The following PLEKHA6 variants were observed in gnomAD, a reference collection of about 807,000 sequenced individuals.
PLEKHA6 encodes the protein pleckstrin homology domain-containing family A member 6.
Under a neutral mutation model 116.7 loss-of-function variants are expected in PLEKHA6, and 60 were observed. The observed-to-expected ratio is 0.51, with a 90% CI of 0.42 to 0.64. The LOEUF is 0.64. Ranked by LOEUF, PLEKHA6 falls within the 30% of genes least tolerant of loss-of-function variation. The probability of loss-of-function intolerance (pLI) is 0.00; values close to 1 mark genes in which losing one functional copy is unlikely to be tolerated. For missense variants in PLEKHA6, 1,338 were observed against 1,422.7 expected (o/e 0.94, Z 0.96); for synonymous variants, 489 against 556.1 (o/e 0.88, Z 1.70).
intron 17 of PLEKHA6, among the ~76,000 whole-genome samples, chr1:204,232,919 T>C (rs1202681683): frequency 6.6e-6 from 1 of 152,088 alleles, no homozygotes; most frequent in Admixed American, 6.5e-5. Context: ...CCTTCCAATT[T>C]CTCCTTGTTG....
At chr1:204,352,915 G>A (rs1673324202) in intron 1 of PLEKHA6, among the ~76,000 whole-genome samples, 2 of 152,210 alleles carry the variant, frequency 1.3e-5, no homozygotes, top group Non-Finnish European at 2.9e-5. Context: ...AGCCTAGGAG[G>A]TGGAGACTAC....
chr1:204,310,092 A>T (rs1322910047), intron 1 of PLEKHA6, among the ~76,000 whole-genome samples: 1 of 151,980 alleles, frequency 6.6e-6, no homozygotes, highest in African/African-American at 2.4e-5. Flanking sequence ...AAAATTAGGT[A>T]GTGGGCTGGA....
intron 12 of PLEKHA6, among the ~76,000 whole-genome samples, chr1:204,248,589 GT>G (rs1664104900): frequency 6.6e-6 from 1 of 152,248 alleles, no homozygotes; most frequent in Non-Finnish European, 1.5e-5. Flanking sequence ...TACAGGTATA[GT>G]TTGTGGGAAA....
chr1:204,235,300 G>A (rs1023378235), intron 17 of PLEKHA6, among the ~76,000 whole-genome samples: 2 of 152,068 alleles, frequency 1.3e-5, no homozygotes, highest in South Asian at 2.1e-4. Context: ...CTTGATTCAC[G>A]GTTCATTGAG....
At chr1:204,338,046 A>G (rs1243521891) in intron 1 of PLEKHA6, among the ~76,000 whole-genome samples, 1 of 152,208 alleles carries the variant, frequency 6.6e-6, no homozygotes, top group Non-Finnish European at 1.5e-5. Flanking sequence ...CCATTTACAG[A>G]TGAGGAAACT....
At chr1:204,237,491 C>T (rs1319403850) in intron 17 of PLEKHA6, among the ~76,000 whole-genome samples, 1 of 152,192 alleles carries the variant, frequency 6.6e-6, no homozygotes, top group Non-Finnish European at 1.5e-5. Flanking sequence ...TTGGCCTGTG[C>T]AGAAGACTCA....
chr1:204,312,609 G>A (rs1367417522), intron 1 of PLEKHA6, among the ~76,000 whole-genome samples: 1 of 152,144 alleles, frequency 6.6e-6, no homozygotes, highest in Non-Finnish European at 1.5e-5. Flanking sequence ...TCTCGGCAGC[G>A]CTGCTTTGGT....
At chr1:204,242,362 C>A (rs976198471) in intron 15 of PLEKHA6, among the ~76,000 whole-genome samples, 2 of 152,194 alleles carry the variant, frequency 1.3e-5, no homozygotes, top group African/African-American at 4.8e-5. Context: ...GAAGACCAGG[C>A]TAAAGGTCAG....
At chr1:204,279,590 C>T (rs1447129362) in intron 1 of PLEKHA6, among the ~76,000 whole-genome samples, 1 of 152,162 alleles carries the variant, frequency 6.6e-6, no homozygotes, top group Non-Finnish European at 1.5e-5. Context: ...CTTTCAAATT[C>T]CACCCAAGAG....
chr1:204,352,380 A>C (rs1023145423), intron 1 of PLEKHA6, among the ~76,000 whole-genome samples: 3 of 151,954 alleles, frequency 2.0e-5, no homozygotes, highest in African/African-American at 4.8e-5. Flanking sequence ...GTCTCAAAAA[A>C]AAAAAGAAAA....
intron 2 of PLEKHA6, among the ~76,000 whole-genome samples, chr1:204,371,336 T>C (rs969786516): frequency 2.0e-5 from 3 of 152,168 alleles, no homozygotes; most frequent in Non-Finnish European, 4.4e-5. Context: ...AGGTGGAAGC[T>C]TAGAGAGACA....
chr1:204,251,464 A>G, intron 9 of PLEKHA6: 1 of 687,286 alleles, frequency 1.5e-6, no homozygotes, highest in Admixed American at 2.0e-5. Flanking sequence ...CTAGATGGGC[A>G]ACTCGACCAT....
At chr1:204,254,741 C>T (rs1482799553) in intron 9 of PLEKHA6, among the ~76,000 whole-genome samples, 1 of 152,164 alleles carries the variant, frequency 6.6e-6, no homozygotes, top group Non-Finnish European at 1.5e-5. Context: ...ATGGAGGAGG[C>T]ATCCAATTAT....
intron 17 of PLEKHA6, among the ~76,000 whole-genome samples, chr1:204,239,082 G>A (rs1662455417): frequency 6.6e-6 from 1 of 152,240 alleles, no homozygotes. Flanking sequence ...GAAGATATTT[G>A]TATCCTATGT....
intron 1 of PLEKHA6, among the ~76,000 whole-genome samples, chr1:204,340,530 C>T (rs902448887): frequency 1.3e-5 from 2 of 152,164 alleles, no homozygotes; most frequent in Non-Finnish European, 2.9e-5. Context: ...CAGAACCAGG[C>T]AAGCGATGCT....
chr1:204,255,497 G>A (rs1371091993), intron 9 of PLEKHA6: 1 of 621,244 alleles, frequency 1.6e-6, no homozygotes, highest in Non-Finnish European at 2.9e-6. Flanking sequence ...CAAAACATAA[G>A]CCACTTTGTT....
At chr1:204,339,275 A>G (rs1045862004) in intron 1 of PLEKHA6, among the ~76,000 whole-genome samples, 2 of 152,132 alleles carry the variant, frequency 1.3e-5, no homozygotes, top group Admixed American at 1.3e-4. Flanking sequence ...GCCGGAAATG[A>G]CCCAAGCAAG....
At chr1:204,351,331 A>G (rs1456236763) in intron 1 of PLEKHA6, among the ~76,000 whole-genome samples, 1 of 152,138 alleles carries the variant, frequency 6.6e-6, no homozygotes, top group African/African-American at 2.4e-5. Context: ...CGTCCTCCCC[A>G]GTTCCATCAC....
intron 1 of PLEKHA6, among the ~76,000 whole-genome samples, chr1:204,313,221 T>C (rs990574249): frequency 1.3e-5 from 2 of 152,018 alleles, no homozygotes; most frequent in Non-Finnish European, 2.9e-5. Context: ...GCCCAGCCCT[T>C]AGCCCATTTC....
Sources: allele counts gnomAD v4.1 joint callset (sites outside exome capture counted in the v4.1 genomes callset), GRCh38; gene constraint gnomAD v4.1.1; transcripts MANE v1.5; gene names NCBI Gene and HGNC (gene_info 2026-07-23, HGNC 2026-07-21).